DPP10: variants seen among roughly 807,000 people sequenced by gnomAD.
The protein encoded by DPP10 is dipeptidyl peptidase like 10.
DPP10 carries 33 observed loss-of-function variants against 120.9 expected under a neutral mutation model. The ratio of observed to expected loss-of-function variants is 0.27; its 90% CI spans 0.21 to 0.37. The LOEUF is 0.37. Ranked by LOEUF, DPP10 falls within the 10% of genes least tolerant of loss-of-function variation. The pLI is 1.00. For missense variants in DPP10, 816 were observed against 942.8 expected (o/e 0.87, Z 1.76); for synonymous variants, 337 against 326.1 (o/e 1.03, Z -0.36).
intron 1 of DPP10, among the ~76,000 whole-genome samples, chr2:114,836,824 C>T (rs1217749460): frequency 6.6e-6 from 1 of 152,144 alleles, no homozygotes; most frequent in Non-Finnish European, 1.5e-5. Flanking sequence ...AGAGACCCAC[C>T]TCAGTGATGC....
intron 1 of DPP10, among the ~76,000 whole-genome samples, chr2:114,517,790 G>C (rs1211233843): frequency 1.3e-5 from 2 of 152,194 alleles, no homozygotes; most frequent in Admixed American, 6.5e-5. Flanking sequence ...TACTATCCAA[G>C]TCAGTGAGGT....
At chr2:115,433,420 T>G (rs2071191214) in intron 3 of DPP10, among the ~76,000 whole-genome samples, 2 of 152,036 alleles carry the variant, frequency 1.3e-5, no homozygotes, top group Admixed American at 1.3e-4. Flanking sequence ...TGTGTATGTG[T>G]GTTTCCGTGT....
chr2:115,783,345 AATTC>A (rs1271062184), intron 17 of DPP10, among the ~76,000 whole-genome samples: 148 of 152,268 alleles, frequency 9.7e-4, no homozygotes, highest in African/African-American at 3.5e-3. Context: ...ATAGGTTTAT[AATTC>A]ACTACAATAT....
At chr2:115,757,537 T>C (rs954404740) in intron 11 of DPP10, among the ~76,000 whole-genome samples, 1 of 151,968 alleles carries the variant, frequency 6.6e-6, no homozygotes, top group Non-Finnish European at 1.5e-5. Flanking sequence ...AAGGAAAGAT[T>C]CGCCCCCGTA....
In DPP10 at chr2:115,017,996, G is replaced by A. The variant is rs2105148171; in HGVS notation, c.61-291243G>A. On this transcript the variant is annotated intron_variant, in intron 1 of 25. Transcript: ENST00000410059. ...GCGCACATGTACGCTAGAACTTAAA[G>A]TATAATAATAAAAAAAAAAAGAGAA... is the stretch of plus-strand genomic sequence containing the variant. Among the ~76,000 whole-genome samples, 5 of 150,614 alleles carry A rather than the reference G, an allele frequency of 3.3e-5. No homozygotes were observed. In the South Asian group the frequency reaches 1.1e-3, roughly 32 times the overall value.
rs756358446 is a variant in DPP10 at position 115,499,597 on chromosome 2, C to A, written c.359C>A (p.Thr120Lys). 10 of 1,608,500 alleles carry A rather than the reference C, an allele frequency of 6.2e-6. No individual in the cohort carries two copies. The highest frequency in any genetic ancestry group is 7.7e-6 in the Non-Finnish European group (9 of 1,176,194). The change falls in exon 4 of 26, where the codon ACA (threonine) becomes AAA (lysine). Residue 120 changes from threonine (T) to lysine (K), a missense_variant. This residue lies in a region of DPP10 where 182 missense variants were observed against 207.4 expected (regional missense o/e 0.88). Coordinates refer to ENST00000410059, the MANE Select transcript of DPP10 (RefSeq NM_020868.6). Reference sequence around the variant, plus strand: ...GCTACCACATTATTATTGGAAAACACAACTTTTGTAAGTAATGAATAATTA... The same window carrying A: ...GCTACCACATTATTATTGGAAAACAAAACTTTTGTAAGTAATGAATAATTA... Reference protein sequence around the residue: ...TNATTLLLENTTFVTFKASRH... With the variant: ...TNATTLLLENKTFVTFKASRH...
intron 1 of DPP10, chr2:115,132,036 G>A (rs1256266941): frequency 6.6e-6 from 1 of 152,178 alleles, no homozygotes; most frequent in East Asian, 1.9e-4. Flanking sequence ...GTTACAGTGA[G>A]CCAAGATTGT....
At chr2:114,644,616 G>A (rs1695981036) in intron 1 of DPP10, among the ~76,000 whole-genome samples, 2 of 151,882 alleles carry the variant, frequency 1.3e-5, no homozygotes, top group African/African-American at 4.9e-5. Context: ...AAGCTATGCA[G>A]TGATGTTACT....
chr2:114,990,466 C>T (rs1330364890), intron 1 of DPP10, among the ~76,000 whole-genome samples: 1 of 151,980 alleles, frequency 6.6e-6, no homozygotes, highest in East Asian at 1.9e-4. Context: ...CCTTCATTAC[C>T]TACAATTTGT....
intron 1 of DPP10, among the ~76,000 whole-genome samples, chr2:114,714,932 C>CT (rs1701258049): frequency 1.3e-5 from 2 of 152,050 alleles, no homozygotes; most frequent in East Asian, 3.9e-4. Context: ...AAACATTGAT[C>CT]CTGTTTCATA....
intron 1 of DPP10, among the ~76,000 whole-genome samples, chr2:115,268,312 T>G (rs1269097591): frequency 6.6e-6 from 1 of 152,156 alleles, no homozygotes; most frequent in East Asian, 1.9e-4. Flanking sequence ...TAATTTACTT[T>G]CCAAGGTTTG....
chr2:114,839,889 T>G (rs977552856), intron 1 of DPP10, among the ~76,000 whole-genome samples: 1 of 152,280 alleles, frequency 6.6e-6, no homozygotes, highest in African/African-American at 2.4e-5. Context: ...TTTAATAAAC[T>G]ATTGGGTAGC....
intron 5 of DPP10, among the ~76,000 whole-genome samples, chr2:115,598,506 C>A (rs2083123072): frequency 6.6e-6 from 1 of 151,682 alleles, no homozygotes; most frequent in African/African-American, 2.4e-5. Flanking sequence ...TTATAATGAA[C>A]AATATATAAC....
At chr2:114,804,042 G>C (rs2106293990) in intron 1 of DPP10, among the ~76,000 whole-genome samples, 1 of 152,296 alleles carries the variant, frequency 6.6e-6, no homozygotes, top group South Asian at 2.1e-4. Flanking sequence ...GTGCAGCCTA[G>C]GGACTTGTTG....
At chr2:115,149,598 G>A (rs575440304) in intron 1 of DPP10, among the ~76,000 whole-genome samples, 6 of 152,118 alleles carry the variant, frequency 3.9e-5, no homozygotes, top group Admixed American at 1.3e-4. Context: ...TACTTCCCAT[G>A]TTAGTTCATA....
At chr2:115,543,842 A>G (rs2148974363) in intron 5 of DPP10, among the ~76,000 whole-genome samples, 1 of 152,180 alleles carries the variant, frequency 6.6e-6, no homozygotes, top group South Asian at 2.1e-4. Context: ...ATAACAAAGA[A>G]CTATGAGATG....
At chr2:115,288,486 C>T (rs1246831265) in intron 1 of DPP10, among the ~76,000 whole-genome samples, 2 of 151,858 alleles carry the variant, frequency 1.3e-5, no homozygotes, top group African/African-American at 4.8e-5. Flanking sequence ...GGGAGGCCAG[C>T]GTGGGTGGAT....
intron 5 of DPP10, among the ~76,000 whole-genome samples, chr2:115,536,433 A>G (rs2078845900): frequency 6.6e-6 from 1 of 151,974 alleles, no homozygotes; most frequent in African/African-American, 2.4e-5. Context: ...ACAGATTAGC[A>G]CTCTCACTAT....
intron 1 of DPP10, among the ~76,000 whole-genome samples, chr2:115,027,396 A>T (rs915817373): frequency 6.6e-6 from 1 of 151,994 alleles, no homozygotes; most frequent in African/African-American, 2.4e-5. Flanking sequence ...AAGTTTTGAT[A>T]ATATGATGTA....
Sources: allele counts gnomAD v4.1 joint callset (sites outside exome capture counted in the v4.1 genomes callset), GRCh38; gene constraint gnomAD v4.1.1; regional missense constraint gnomAD v4.1.1; transcripts MANE v1.5; gene names NCBI Gene and HGNC (gene_info 2026-07-23, HGNC 2026-07-21).